Variants in SHANK2 observed in about 807,000 individuals in gnomAD.
SHANK2 encodes the protein SH3 and multiple ankyrin repeat domains 2, also known as SH3 and multiple ankyrin repeat domains protein 2.
A neutral mutation model predicts 133.7 loss-of-function variants in SHANK2; 43 were observed. The observed-to-expected ratio is 0.32, with a 90% CI of 0.25 to 0.41. The LOEUF (loss-of-function observed/expected upper bound fraction) is 0.41. SHANK2 is among the 10% of genes least tolerant of loss of function. The pLI, the probability that SHANK2 is intolerant of heterozygous loss-of-function variation, is 1.00. For synonymous variants in SHANK2, 1,017 were observed against 952.8 expected (o/e 1.07, Z -1.24); for missense variants, 1,994 against 2,235.8 (o/e 0.89, Z 2.18).
chr11:71,162,154 A>G (rs1238622972), intron 2 of SHANK2, among the ~76,000 whole-genome samples: 2 of 152,364 alleles, frequency 1.3e-5, no homozygotes, highest in East Asian at 3.8e-4. Context: ...TTTTGTTGCT[A>G]TAACAAGATA....
At chr11:70,595,539 C>A (rs2060387926) in intron 17 of SHANK2, among the ~76,000 whole-genome samples, 1 of 152,206 alleles carries the variant, frequency 6.6e-6, no homozygotes, top group South Asian at 2.1e-4. Context: ...CGACGGTGAA[C>A]TGTGGCCTGG....
At chr11:70,525,445 C>T (rs782754858) in intron 17 of SHANK2, among the ~76,000 whole-genome samples, 5 of 152,102 alleles carry the variant, frequency 3.3e-5, no homozygotes, top group Non-Finnish European at 5.9e-5. Context: ...AGCCAGCAGG[C>T]CCAGGGATGG....
At chr11:70,878,169 C>T (rs1419841562) in intron 11 of SHANK2, among the ~76,000 whole-genome samples, 1 of 152,206 alleles carries the variant, frequency 6.6e-6, no homozygotes, top group African/African-American at 2.4e-5. Context: ...CAGAAGGCTG[C>T]CCCATCCACA....
intron 14 of SHANK2, among the ~76,000 whole-genome samples, chr11:70,704,388 C>T (rs1402158115): frequency 6.6e-6 from 1 of 152,230 alleles, no homozygotes; most frequent in Non-Finnish European, 1.5e-5. Context: ...TCTGGGGACA[C>T]AGCCGCTTCC....
intron 2 of SHANK2, among the ~76,000 whole-genome samples, chr11:71,150,279 AAGGG>A (rs1345806085): frequency 7.3e-5 from 3 of 40,984 alleles, no homozygotes; most frequent in Admixed American, 2.2e-4. Context: ...GAGGGAGAGG[AAGGG>A]AGGGAGGGAG....
intron 10 of SHANK2, chr11:70,911,070 C>T (rs1555078920): frequency 4.4e-6 from 2 of 456,850 alleles, no homozygotes; most frequent in African/African-American, 4.0e-5. Context: ...CATTCACCCC[C>T]AGACTTCCTC....
intron 3 of SHANK2, among the ~76,000 whole-genome samples, chr11:71,122,898 G>A (rs1266505150): frequency 6.6e-6 from 1 of 152,150 alleles, no homozygotes; most frequent in Non-Finnish European, 1.5e-5. Flanking sequence ...ATACGTGTCT[G>A]GGATTTAAGG....
Position 70,697,340 on chromosome 11 carries a change from C to T in SHANK2, c.1853+1348G>A, listed in dbSNP as rs997849648. On this transcript the variant is annotated intron_variant, in intron 15 of 25. Coordinates refer to ENST00000601538, the MANE Select transcript of SHANK2 (RefSeq NM_012309.5). Reference sequence around the variant, plus strand: ...GGAAGGAATGAAGTACTGGTATGTGCCACCATGTGGATAGACTTTGAAAAC... The same window carrying T: ...GGAAGGAATGAAGTACTGGTATGTGTCACCATGTGGATAGACTTTGAAAAC... Among the ~76,000 whole-genome samples the T allele has an allele frequency of 9.2e-5, 14 of 152,276 alleles. No homozygotes were observed. In the South Asian group the frequency reaches 1.9e-3, roughly 20 times the overall value.
intron 17 of SHANK2, among the ~76,000 whole-genome samples, chr11:70,620,217 C>T (rs2060810319): frequency 1.3e-5 from 2 of 152,252 alleles, no homozygotes; most frequent in Non-Finnish European, 2.9e-5. Context: ...GTCCACGGCA[C>T]CAAGCTGATG....
At chr11:71,111,991 G>A (rs1372755170) in intron 5 of SHANK2, among the ~76,000 whole-genome samples, 1 of 152,104 alleles carries the variant, frequency 6.6e-6, no homozygotes, top group Non-Finnish European at 1.5e-5. Context: ...AGGATGGTGG[G>A]GATGCACCAC....
intron 14 of SHANK2, among the ~76,000 whole-genome samples, chr11:70,719,561 T>C (rs1565267545): frequency 1.3e-5 from 2 of 152,088 alleles, no homozygotes; most frequent in East Asian, 3.9e-4. Flanking sequence ...GGGATCCTGG[T>C]TTCTGTGGCC....
At chr11:71,241,238 C>G (rs1165526936) in intron 1 of SHANK2, among the ~76,000 whole-genome samples, 4 of 152,182 alleles carry the variant, frequency 2.6e-5, no homozygotes, top group African/African-American at 4.8e-5. Flanking sequence ...CTGAAAACAA[C>G]CCAAATGTCA....
chr11:70,743,629 A>G (rs1304727677), intron 14 of SHANK2, among the ~76,000 whole-genome samples: 1 of 152,162 alleles, frequency 6.6e-6, no homozygotes, highest in Non-Finnish European at 1.5e-5. Context: ...CAGCTACAGA[A>G]AAGCTTCTCT....
At chr11:70,607,138 C>T (rs1220420505) in intron 17 of SHANK2, among the ~76,000 whole-genome samples, 6 of 152,296 alleles carry the variant, frequency 3.9e-5, no homozygotes, top group East Asian at 1.9e-4. Flanking sequence ...TGGAAACATC[C>T]GCCTTCCTCC....
intron 17 of SHANK2, among the ~76,000 whole-genome samples, chr11:70,515,901 CT>C (rs1416262071): frequency 2.6e-5 from 4 of 151,506 alleles, no homozygotes; most frequent in East Asian, 1.9e-4. Context: ...GAACATTTTA[CT>C]TTTTTTTTCT....
chr11:71,126,309 T>A (rs1309892577), intron 3 of SHANK2, among the ~76,000 whole-genome samples: 1 of 151,294 alleles, frequency 6.6e-6, no homozygotes, highest in Admixed American at 6.6e-5. Flanking sequence ...ACAGCACATC[T>A]GTTTACAACA....
rs201865483 is a variant in SHANK2 at position 70,672,060 on chromosome 11, C to CT, written c.1854-10383dup. 2.0e-3 allele frequency among the ~76,000 whole-genome samples: 241 copies of CT among 120,964 alleles called. 8 individuals carry two copies. The highest frequency in any genetic ancestry group is 8.8e-3 in the Middle Eastern group (2 of 228). 79.4% of individuals were successfully genotyped at this position (120,964 alleles called of 152,430 possible). A position where few individuals can be genotyped will look rare whatever the true frequency, so the allele number is the denominator to read the frequency against. ...CAGATCCCCACCATACTTTTCTTTTCTTTTTCTTTTTTTTTTTTTTTTAGA... is the reference window on the plus strand; with the variant it reads ...CAGATCCCCACCATACTTTTCTTTTCTTTTTTCTTTTTTTTTTTTTTTTAGA... On this transcript the variant is annotated intron_variant, in intron 15 of 25. Coordinates refer to ENST00000601538, the MANE Select transcript of SHANK2 (RefSeq NM_012309.5).
intron 9 of SHANK2, among the ~76,000 whole-genome samples, chr11:71,074,672 G>C (rs1277535013): frequency 6.6e-6 from 1 of 152,116 alleles, no homozygotes. Flanking sequence ...TTTTGGTTTG[G>C]GTGAGGGCCA....
At chr11:70,688,009 G>T (rs1945193712) in intron 15 of SHANK2, among the ~76,000 whole-genome samples, 1 of 152,244 alleles carries the variant, frequency 6.6e-6, no homozygotes, top group African/African-American at 2.4e-5. Flanking sequence ...CAGCCCCAAA[G>T]CAGGGGACTT....
Sources: gnomAD v4.1 joint callset for allele counts (sites outside exome capture counted in the v4.1 genomes callset) on GRCh38, gnomAD v4.1.1 for gene constraint, MANE v1.5 for transcripts, NCBI Gene and HGNC (gene_info 2026-07-23, HGNC 2026-07-21) for gene names.